The following FREM3 variants were observed in gnomAD, a reference collection of about 807,000 sequenced individuals.
FREM3 encodes the protein FRAS1-related extracellular matrix protein 3.
A neutral mutation model predicts 129.1 loss-of-function variants in FREM3; 105 were observed. The ratio of observed to expected loss-of-function variants is 0.81; its 90% confidence interval spans 0.69 to 0.96. The LOEUF (loss-of-function observed/expected upper bound fraction) is 0.96. Ranked by LOEUF, FREM3 falls within the 40% of genes least tolerant of loss-of-function variation. The pLI is 0.00. For synonymous variants in FREM3, 1,014 were observed against 1,044.9 expected (o/e 0.97, Z 0.57); for missense variants, 2,593 against 2,666.3 (o/e 0.97, Z 0.61).
intron 5 of FREM3, among the ~76,000 whole-genome samples, chr4:143,616,390 T>C (rs1019424937): frequency 3.3e-5 from 5 of 152,160 alleles, no homozygotes; most frequent in Non-Finnish European, 7.3e-5. Flanking sequence ...TTCTATAACC[T>C]ATGAACACAT....
At position 143,585,365 on chromosome 4, in the gene FREM3, G is replaced by A. The variant is rs1328474183; in HGVS notation, c.6178+479C>T. Among the ~76,000 whole-genome samples the A allele has an allele frequency of 3.9e-5, 6 of 152,176 alleles. No individual in the cohort carries two copies. Among genetic ancestry groups the A allele is most frequent in the African/African-American group, 1.4e-4 (6 of 41,430 alleles). On this transcript the variant is annotated intron_variant, in intron 7 of 7. Coordinates refer to ENST00000329798, the MANE Select transcript of FREM3 (RefSeq NM_001168235.2). The surrounding 1 kb of genome is among the most constrained non-coding windows in gnomAD (Gnocchi z 4.2). ...AGAATTGTGCCATGCTGTCAGCTAG[G>A]CCTTGATCATCCATGTCAGGAAATG...
In FREM3 at chr4:143,700,007, G is replaced by C; in HGVS notation, c.669C>G (p.Tyr223Ter). The C allele has an allele frequency of 1.3e-6, 2 of 1,503,038 alleles. No individual in the cohort carries two copies. Among genetic ancestry groups the C allele is most frequent in the Non-Finnish European group, 1.8e-6 (2 of 1,128,092 alleles). The allele number at this position is 1,503,038 out of a possible 1,614,324, so 93.1% of individuals were successfully genotyped here. ...CCCCCACCGCGTCCACCAAGCGCCCGTACTTGGGCAGGGGGCCGTCCTCGT... is the reference window on the plus strand; with the variant it reads ...CCCCCACCGCGTCCACCAAGCGCCCCTACTTGGGCAGGGGGCCGTCCTCGT... ...LPHEDGPLPK[Y>*]GRLVDAVGAP... Residue 223 changes from tyrosine (Y) to a stop codon, truncating the protein, a stop_gained, in exon 1 of 8, where the codon TAC (tyrosine) becomes TAG (stop). Coordinates refer to ENST00000329798, the MANE Select transcript of FREM3 (RefSeq NM_001168235.2). LOFTEE classifies it high-confidence loss of function.
chr4:143,620,685 C>A (rs769022519), intron 5 of FREM3, among the ~76,000 whole-genome samples: 3 of 152,192 alleles, frequency 2.0e-5, no homozygotes, highest in Non-Finnish European at 4.4e-5. Context: ...AAATACGAAT[C>A]TTTAATTTAT....
At position 143,700,061 on chromosome 4, in the gene FREM3, G is replaced by T. The variant is rs1369242481; in HGVS notation, c.615C>A (p.Thr205=). 1 of 1,523,490 alleles carries T rather than the reference G, an allele frequency of 6.6e-7. No individual in the cohort carries two copies. The highest frequency in any genetic ancestry group is 8.8e-7 in the Non-Finnish European group (1 of 1,137,172). 94.4% of individuals were successfully genotyped at this position (1,523,490 alleles called of 1,614,324 possible). A position where few individuals can be genotyped will look rare whatever the true frequency, so the allele number is the denominator to read the frequency against. Residue 205 remains threonine, a synonymous_variant, in exon 1 of 8, where the codon ACC becomes ACA. Transcript: ENST00000329798. The stretch of plus-strand genomic sequence containing the variant: ...GAAGTGGGGTAAGCCGGCACCTGCG[G>T]GTGGCCGTGGCTCCAGACTTCAGGG... ...FASLKSGATA[T]RRCRLTPLPH...
intron 6 of FREM3, among the ~76,000 whole-genome samples, chr4:143,594,000 G>A (rs1187634877): frequency 6.6e-6 from 1 of 152,190 alleles, no homozygotes; most frequent in African/African-American, 2.4e-5. Flanking sequence ...AATGAGCGAG[G>A]CTCTGTGGGC....
At chr4:143,658,649 A>G (rs895732496) in intron 2 of FREM3, among the ~76,000 whole-genome samples, 3 of 152,236 alleles carry the variant, frequency 2.0e-5, no homozygotes, top group Admixed American at 1.3e-4. Context: ...CATGCGGCCC[A>G]GGATGGCTTT....
In FREM3 at chr4:143,663,772, C is replaced by T. The variant is rs187053564; in HGVS notation, c.5275+29341G>A. On this transcript the variant is annotated intron_variant, in intron 2 of 7. Coordinates refer to ENST00000329798, the MANE Select transcript of FREM3 (RefSeq NM_001168235.2). ...CACATAGTCCCATATTTCTTGGAGG[C>T]TTTGTTCATTTCTTTTCATTCTTTT... Among the ~76,000 whole-genome samples, 971 of 152,036 alleles carry T rather than the reference C, an allele frequency of 6.4e-3. 9 individuals are homozygous for T. Among genetic ancestry groups the T allele is most frequent in the Non-Finnish European group, 0.01 (700 of 67,940 alleles).
chr4:143,664,814 C>T (rs983785462), intron 2 of FREM3, among the ~76,000 whole-genome samples: 19 of 152,256 alleles, frequency 1.2e-4, no homozygotes, highest in Non-Finnish European at 2.4e-4. Context: ...CCCCCAACCT[C>T]GCTGCCGCCT....
intron 2 of FREM3, among the ~76,000 whole-genome samples, chr4:143,628,932 A>G (rs1160128013): frequency 2.6e-5 from 4 of 152,120 alleles, no homozygotes; most frequent in African/African-American, 7.2e-5. Flanking sequence ...GAAGAGCAGG[A>G]CAAAGAAAGC....
intron 2 of FREM3, among the ~76,000 whole-genome samples, chr4:143,677,144 A>T (rs1187603825): frequency 4.6e-5 from 7 of 152,244 alleles, no homozygotes; most frequent in South Asian, 4.1e-4. Context: ...TTCAGACTAT[A>T]CTACAAGGCT....
intron 2 of FREM3, among the ~76,000 whole-genome samples, chr4:143,679,893 G>A (rs182954741): frequency 3.9e-5 from 6 of 151,976 alleles, no homozygotes; most frequent in African/African-American, 7.3e-5. Context: ...GAGATAAATC[G>A]CCCTGATTCT....
intron 5 of FREM3, among the ~76,000 whole-genome samples, chr4:143,612,423 T>G (rs559359021): frequency 3.1e-4 from 47 of 152,368 alleles, no homozygotes; most frequent in African/African-American, 1.1e-3. Context: ...CTGACTATTG[T>G]TTCCCATTGT....
rs1738058235 is a variant in FREM3, at chr4:143,577,453, C to T, written c.*158G>A. ...AGGTATATATATTTCTATCTCCATG[C>T]AGTCATATAAATTACATTTCCACAT... On this transcript the variant is annotated 3_prime_UTR_variant, in exon 8 of 8. Transcript: ENST00000329798. 1.6e-6 allele frequency: 1 copy of T among 640,596 alleles called. No homozygotes were observed. The highest frequency in any genetic ancestry group is 1.8e-5 in the African/African-American group (1 of 54,644). The allele number at this position is 640,596 out of a possible 1,614,324, so 39.7% of individuals were successfully genotyped here. A position where few individuals can be genotyped will look rare whatever the true frequency, so the allele number is the denominator to read the frequency against.
Position 143,661,402 on chromosome 4 carries a change from C to T in FREM3, c.5275+31711G>A, listed in dbSNP as rs1011634600. Among the ~76,000 whole-genome samples the T allele has an allele frequency of 2.6e-5, 4 of 151,928 alleles. No individual in the cohort carries two copies. In the East Asian group the frequency reaches 5.8e-4, roughly 22 times the overall value. Reference sequence around the variant, plus strand: ...ATGCTGGATTACATTTATTGATTTGCGTATATTGAACCAGCCTTGCATCCC... The same window carrying T: ...ATGCTGGATTACATTTATTGATTTGTGTATATTGAACCAGCCTTGCATCCC... On this transcript the variant is annotated intron_variant, in intron 2 of 7. Transcript: ENST00000329798.
chr4:143,663,637 T>G (rs375708528), intron 2 of FREM3, among the ~76,000 whole-genome samples: 28 of 152,224 alleles, frequency 1.8e-4, no homozygotes, highest in Middle Eastern at 3.4e-3. Context: ...GGCCTGCCTT[T>G]CTAGATTGGG....
In FREM3 at chr4:143,646,339, C is replaced by T. The variant is rs187086620; in HGVS notation, c.5276-18579G>A. On this transcript the variant is annotated intron_variant, in intron 2 of 7. Transcript: ENST00000329798. ...ACATTACTTAAGGTATTAGGACATG[C>T]TGTATTTTTATGTACTAAGCATTAG... 3.8e-3 allele frequency among the ~76,000 whole-genome samples: 583 copies of T among 152,230 alleles called. 3 individuals are homozygous for T. The highest frequency in any genetic ancestry group is 0.013 in the African/African-American group (544 of 41,536).
chr4:143,600,713 TTTTC>T (rs1443109205), intron 6 of FREM3, among the ~76,000 whole-genome samples: 2 of 152,180 alleles, frequency 1.3e-5, no homozygotes, highest in Admixed American at 6.5e-5. Flanking sequence ...ATGTAATCCA[TTTTC>T]TTTAAGATTC....
intron 2 of FREM3, among the ~76,000 whole-genome samples, chr4:143,689,583 C>T (rs62339320): frequency 0.25 from 37,722 of 151,790 alleles, 5,760 homozygotes; most frequent in South Asian, 0.33. Context: ...CTTGCACACG[C>T]GTGTTTACAG....
Position 143,700,334 on chromosome 4 carries a change from G to A in FREM3, c.342C>T (p.Arg114=). Reference sequence around the variant, plus strand: ...GGCGGGGCCCGAAGGTGCAGGGGAAGCGGCGCGGGGAGAGCGCGCCCTTGA... The same window carrying A: ...GGCGGGGCCCGAAGGTGCAGGGGAAACGGCGCGGGGAGAGCGCGCCCTTGA... The part of the protein sequence containing the change: ...PRLKGALSPR[R]FPCTFGPRQV... Residue 114 remains arginine (R), a synonymous_variant, in exon 1 of 8, where the codon CGC becomes CGT. Transcript: ENST00000329798. 2 of 1,534,912 alleles carry A rather than the reference G, an allele frequency of 1.3e-6. No homozygotes were observed. Among genetic ancestry groups the A allele is most frequent in the Non-Finnish European group, 1.7e-6 (2 of 1,145,890 alleles).
Sources: gnomAD v4.1 joint callset for allele counts (sites outside exome capture counted in the v4.1 genomes callset) on GRCh38, gnomAD v4.1.1 for gene constraint, Gnocchi (gnomAD v3.1) non-coding constraint, MANE v1.5 for transcripts, NCBI Gene and HGNC (gene_info 2026-07-23, HGNC 2026-07-21) for gene names.